Variants in DLG2 observed in about 807,000 individuals in gnomAD.
The protein encoded by DLG2 is disks large homolog 2.
DLG2 carries 45 observed loss-of-function variants against 132.5 expected under a neutral mutation model. The ratio of observed to expected loss-of-function variants is 0.34; its 90% CI spans 0.27 to 0.44. The LOEUF (loss-of-function observed/expected upper bound fraction) is 0.44. DLG2 is among the 20% of genes least tolerant of loss of function. The pLI, the probability that DLG2 is intolerant of heterozygous loss-of-function variation, is 1.00. For missense variants in DLG2, 1,045 were observed against 1,196.9 expected, an observed-to-expected ratio of 0.87 and a Z score of 1.87; for synonymous variants, 424 against 419.6, an observed-to-expected ratio of 1.01 and a Z score of -0.13.
chr11:83,633,400 C>T (rs2063920556), intron 18 of DLG2, 75 bp from the exon 19 acceptor site: 1 of 1,212,108 alleles, frequency 8.3e-7, no homozygotes, highest in Admixed American at 1.9e-5. Flanking sequence ...GCCCAGGCAG[C>T]CCCTCACCCA....
chr11:83,929,506 T>C (rs1322004488), intron 15 of DLG2, among the ~76,000 whole-genome samples: 1 of 152,224 alleles, frequency 6.6e-6, no homozygotes, highest in Non-Finnish European at 1.5e-5. Flanking sequence ...TTTTTTGTTA[T>C]TTATCATATA....
At chr11:85,325,334 A>G (rs2081387329) in intron 3 of DLG2, among the ~76,000 whole-genome samples, 1 of 152,068 alleles carries the variant, frequency 6.6e-6, no homozygotes, top group South Asian at 2.1e-4. Flanking sequence ...CAGACAAACA[A>G]AAAGACAGCA....
At chr11:84,455,174 AT>A (rs2154482683) in intron 7 of DLG2, among the ~76,000 whole-genome samples, 1 of 151,524 alleles carries the variant, frequency 6.6e-6, no homozygotes, top group Non-Finnish European at 1.5e-5. Flanking sequence ...CTGTTCTTCT[AT>A]TCCTCACCTA....
At chr11:84,770,174 G>A (rs7110559) in intron 6 of DLG2, among the ~76,000 whole-genome samples, 2,306 of 152,218 alleles carry the variant, frequency 0.015, 73 homozygotes, top group African/African-American at 0.052. Flanking sequence ...TACTCTGGCT[G>A]TGTGACATTC....
chr11:83,611,913 A>AG (rs200456613), intron 19 of DLG2, among the ~76,000 whole-genome samples: 22 of 152,012 alleles, frequency 1.4e-4, no homozygotes, highest in Non-Finnish European at 2.4e-4. Context: ...CTGCTTTTGA[A>AG]GGGGGGGCAA....
intron 6 of DLG2, among the ~76,000 whole-genome samples, chr11:84,880,888 A>C (rs941288018): frequency 6.6e-6 from 1 of 152,140 alleles, no homozygotes; most frequent in Non-Finnish European, 1.5e-5. Context: ...TAAATCATTC[A>C]TTTATTCATT....
chr11:83,940,120 T>C (rs939062426), intron 14 of DLG2, among the ~76,000 whole-genome samples: 8 of 152,196 alleles, frequency 5.3e-5, no homozygotes, highest in African/African-American at 1.9e-4. Context: ...GAACAAGAGA[T>C]TGTTGTAGCA....
chr11:85,018,219 T>C (rs947525840), intron 6 of DLG2, among the ~76,000 whole-genome samples: 1 of 152,170 alleles, frequency 6.6e-6, no homozygotes, highest in African/African-American at 2.4e-5. Context: ...AAGAACATAA[T>C]CAGCTTTCTT....
chr11:84,548,172 C>A (rs1289312559), intron 6 of DLG2, among the ~76,000 whole-genome samples: 3 of 152,130 alleles, frequency 2.0e-5, no homozygotes, highest in Non-Finnish European at 1.5e-5. Context: ...CAGTAACATG[C>A]AGAGAAGAAC....
At chr11:83,909,408 C>A (rs533643749) in intron 15 of DLG2, among the ~76,000 whole-genome samples, 1 of 152,240 alleles carries the variant, frequency 6.6e-6, no homozygotes, top group East Asian at 1.9e-4. Context: ...TAATTCGTGG[C>A]AGTAAACTGA....
At chr11:83,564,332 C>T (rs77082553) in intron 19 of DLG2, among the ~76,000 whole-genome samples, 2,026 of 152,190 alleles carry the variant, frequency 0.013, 48 homozygotes, top group African/African-American at 0.046. Flanking sequence ...CGATACAGTG[C>T]ACTGGAATGG....
rs146451711 is a variant in DLG2, at chr11:85,195,142, G to A, written c.187-40491C>T. The stretch of plus-strand genomic sequence containing the variant: ...AGAAAAAGGTACGATAGTGGCTGAG[G>A]GTGGGAGATGGCCCCTGGAGGAACA... On this transcript the variant is annotated intron_variant, in intron 4 of 27. Transcript: ENST00000376104. Among the ~76,000 whole-genome samples the A allele has an allele frequency of 4.0e-3, 603 of 152,288 alleles. 3 individuals are homozygous for A. The highest frequency in any genetic ancestry group is 0.014 in the African/African-American group (573 of 41,552).
intron 3 of DLG2, among the ~76,000 whole-genome samples, chr11:85,354,103 T>A (rs1409234185): frequency 6.6e-6 from 1 of 152,100 alleles, no homozygotes; most frequent in African/African-American, 2.4e-5. Context: ...CTATTCATTT[T>A]TTTCTATGCC....
At chr11:84,536,811 T>G (rs1010757615) in intron 6 of DLG2, among the ~76,000 whole-genome samples, 1 of 152,166 alleles carries the variant, frequency 6.6e-6, no homozygotes. Context: ...TAAATAATAC[T>G]TGAGTCCACA....
chr11:85,422,895 C>T (rs1455838629), intron 3 of DLG2, among the ~76,000 whole-genome samples: 1 of 152,014 alleles, frequency 6.6e-6, no homozygotes, highest in African/African-American at 2.4e-5. Context: ...TTCTCTTGTG[C>T]CTCCCTGATT....
intron 19 of DLG2, among the ~76,000 whole-genome samples, chr11:83,612,984 C>A (rs1002148673): frequency 6.6e-6 from 1 of 152,170 alleles, no homozygotes; most frequent in African/African-American, 2.4e-5. Flanking sequence ...TGGCTGGAAG[C>A]GAATGACACT....
At chr11:84,890,510 G>A (rs900305086) in intron 6 of DLG2, among the ~76,000 whole-genome samples, 1 of 152,168 alleles carries the variant, frequency 6.6e-6, no homozygotes. Context: ...CCCCGGAGGA[G>A]AAGAAACAGG....
intron 19 of DLG2, among the ~76,000 whole-genome samples, chr11:83,574,178 A>T (rs2096840277): frequency 6.6e-6 from 1 of 152,090 alleles, no homozygotes; most frequent in African/African-American, 2.4e-5. Context: ...GGAGTTGGAG[A>T]AAGGTGGAGG....
intron 7 of DLG2, among the ~76,000 whole-genome samples, chr11:84,255,116 T>C (rs2097445709): frequency 6.6e-6 from 1 of 152,120 alleles, no homozygotes; most frequent in Non-Finnish European, 1.5e-5. Flanking sequence ...GGCCTATGAG[T>C]GTGCTCTTCT....
Sources: allele counts gnomAD v4.1 joint callset (sites outside exome capture counted in the v4.1 genomes callset), GRCh38; gene constraint gnomAD v4.1.1; transcripts MANE v1.5; gene names NCBI Gene and HGNC (gene_info 2026-07-23, HGNC 2026-07-21).